SLFN12L: variants seen among roughly 807,000 people sequenced by gnomAD.
SLFN12L encodes schlafen family member 12-like.
Under a neutral mutation model 34.8 loss-of-function variants are expected in SLFN12L, and 34 were observed. That is an observed-to-expected ratio of 0.98 (90% confidence interval 0.74 to 1.30). The LOEUF (loss-of-function observed/expected upper bound fraction) is 1.30, where lower values mean the gene tolerates loss of function less well. Ranked by LOEUF, SLFN12L falls within the 50% of genes most tolerant of loss-of-function variation. SLFN12L has a pLI of 0.00. For missense variants in SLFN12L, 703 were observed against 696.2 expected, an observed-to-expected ratio of 1.01 and a Z score of -0.11; for synonymous variants, 259 against 247.5, an observed-to-expected ratio of 1.05 and a Z score of -0.44.
chr17:35,503,721 C>A (rs995247932), intron 2 of SLFN12L, among the ~76,000 whole-genome samples: 8 of 152,052 alleles, frequency 5.3e-5, no homozygotes, highest in South Asian at 2.1e-4. Context: ...TTTCCTTTCC[C>A]TCAAAACTAA....
intron 1 of SLFN12L, among the ~76,000 whole-genome samples, chr17:35,528,104 C>T (rs1020445883): frequency 7.9e-5 from 12 of 152,072 alleles, no homozygotes; most frequent in South Asian, 2.1e-4. Context: ...TTCACAATTG[C>T]TACAAAGAGA....
chr17:35,491,582 G>A (rs1914839231), intron 2 of SLFN12L, among the ~76,000 whole-genome samples: 1 of 152,198 alleles, frequency 6.6e-6, no homozygotes, highest in African/African-American at 2.4e-5. Flanking sequence ...CTGTGCCTGA[G>A]GGATGGGCTG....
rs917945624 is a variant in SLFN12L, at chr17:35,469,300, A to T, written c.*5623T>A. On this transcript the variant is annotated 3_prime_UTR_variant, in exon 5 of 5. Coordinates refer to ENST00000628453, the MANE Select transcript of SLFN12L (RefSeq NM_001363830.2). ...CCTGTTTTATATAAAATATATATATATAAAATATATATATATTATATATAT... is the reference window on the plus strand; with the variant it reads ...CCTGTTTTATATAAAATATATATATTTAAAATATATATATATTATATATAT... 4.4e-5 allele frequency among the ~76,000 whole-genome samples: 6 copies of T among 137,538 alleles called. No individual in the cohort carries two copies. The highest frequency in any genetic ancestry group is 1.4e-4 in the African/African-American group (5 of 35,546). 90.2% of individuals were successfully genotyped at this position (137,538 alleles called of 152,430 possible).
At position 35,521,224 on chromosome 17, in the gene SLFN12L, T is replaced by C. The variant is rs1008276671; in HGVS notation, c.86+1055A>G. Among the ~76,000 whole-genome samples, 5 of 152,236 alleles carry C rather than the reference T, an allele frequency of 3.3e-5. 1 individual carries two copies. The highest frequency in any genetic ancestry group is 2.1e-4 in the South Asian group (1 of 4,828). ...GGAGACATAACTACTAAATGTCATA[T>C]GGCATCCTGGATGGGATCCTGGAAC... On this transcript the variant is annotated intron_variant, in intron 2 of 4. Transcript: ENST00000628453.
chr17:35,466,814 G>A lies in SLFN12L; in HGVS notation c.*8109C>T, dbSNP rs1016266292. On this transcript the variant is annotated 3_prime_UTR_variant, in exon 5 of 5. Coordinates refer to ENST00000628453, the MANE Select transcript of SLFN12L (RefSeq NM_001363830.2). ...AGTCTAGACCACCTGTGATGGCTAC[G>A]AATTGCCTGAGGGCTCTCAGCCTCA... Among the ~76,000 whole-genome samples the A allele has an allele frequency of 2.6e-5, 4 of 152,178 alleles. No homozygotes were observed. The highest frequency in any genetic ancestry group is 2.1e-4 in the South Asian group (1 of 4,836).
rs541965471 is a variant in SLFN12L at position 35,465,160 on chromosome 17, G to A, written c.*9763C>T. Among the ~76,000 whole-genome samples the A allele has an allele frequency of 4.6e-5, 7 of 152,272 alleles. No individual in the cohort carries two copies. Among genetic ancestry groups the A allele is most frequent in the South Asian group, 2.1e-4 (1 of 4,826 alleles). ...CTCCCAAAGTGCTGGGATTACAGGC[G>A]TGAGCCACCACGCCTGGCCAGAACT... On this transcript the variant is annotated 3_prime_UTR_variant, in exon 5 of 5. Coordinates refer to ENST00000628453, the MANE Select transcript of SLFN12L (RefSeq NM_001363830.2).
intron 2 of SLFN12L, chr17:35,498,210 TCA>T (rs2142147671): frequency 4.5e-5 from 14 of 307,860 alleles, no homozygotes; most frequent in South Asian, 4.4e-4. Context: ...CCTGGGATGT[TCA>T]GTCATGAAAT....
chr17:35,503,003 AAG>A (rs969263781), intron 2 of SLFN12L, among the ~76,000 whole-genome samples: 1 of 152,240 alleles, frequency 6.6e-6, no homozygotes, highest in African/African-American at 2.4e-5. Context: ...TTATAAAAAA[AAG>A]TGTGTTAGAA....
intron 1 of SLFN12L, among the ~76,000 whole-genome samples, chr17:35,533,730 T>G (rs979249502): frequency 1.3e-5 from 2 of 152,112 alleles, no homozygotes; most frequent in African/African-American, 4.8e-5. Context: ...TGCTCAGGTG[T>G]CCAGCTGTGC....
chr17:35,518,578 A>G (rs966504325), intron 2 of SLFN12L, among the ~76,000 whole-genome samples: 1 of 151,054 alleles, frequency 6.6e-6, no homozygotes, highest in Non-Finnish European at 1.5e-5. Flanking sequence ...ACATTTATGC[A>G]CCGAACAAAC....
At chr17:35,531,020 G>A (rs947142337) in intron 1 of SLFN12L, among the ~76,000 whole-genome samples, 1 of 152,036 alleles carries the variant, frequency 6.6e-6, no homozygotes, top group African/African-American at 2.4e-5. Context: ...AGCCCCAAAT[G>A]CCTATATTGG....
intron 2 of SLFN12L, among the ~76,000 whole-genome samples, chr17:35,491,389 T>G (rs1467938063): frequency 1.3e-5 from 2 of 152,244 alleles, no homozygotes; most frequent in African/African-American, 4.8e-5. Context: ...AGCTGACATT[T>G]TCATGAATTT....
intron 2 of SLFN12L, among the ~76,000 whole-genome samples, chr17:35,507,187 C>T (rs1315913460): frequency 6.6e-6 from 1 of 152,148 alleles, no homozygotes; most frequent in Admixed American, 6.5e-5. Flanking sequence ...GACAGGTGAA[C>T]TCCTGGGCTT....
intron 4 of SLFN12L, among the ~76,000 whole-genome samples, chr17:35,477,328 G>C (rs969474294): frequency 3.3e-5 from 5 of 152,098 alleles, no homozygotes; most frequent in African/African-American, 1.2e-4. Context: ...ATTTTTAAAA[G>C]AAAATAAACA....
At chr17:35,476,349 C>T (rs369930271) in intron 4 of SLFN12L, among the ~76,000 whole-genome samples, 33 of 151,974 alleles carry the variant, frequency 2.2e-4, no homozygotes, top group African/African-American at 8.0e-4. Context: ...GCCTGTAATC[C>T]CAGCAGTTTA....
chr17:35,481,948 C>T (rs764615094), intron 2 of SLFN12L, among the ~76,000 whole-genome samples: 8 of 152,198 alleles, frequency 5.3e-5, no homozygotes, highest in Non-Finnish European at 1.2e-4. Context: ...GCAACCTCCA[C>T]CTCCTGAGTT....
chr17:35,480,399 T>A, intron 2 of SLFN12L: 1 of 455,556 alleles, frequency 2.2e-6, no homozygotes, highest in Non-Finnish European at 3.8e-6. Context: ...TTGTTACAAC[T>A]GTTTTATACG....
chr17:35,508,774 G>T (rs1429908614), intron 2 of SLFN12L, among the ~76,000 whole-genome samples: 3 of 150,416 alleles, frequency 2.0e-5, no homozygotes. Context: ...ATAAAACTGA[G>T]GAATATTGCC....
Position 35,476,454 on chromosome 17 carries a change from CAAGGAAGGAAGGAAGGAAGGAAGG to C in SLFN12L, c.1277-993_1277-970del, listed in dbSNP as rs59968985. On this transcript the variant is annotated intron_variant, in intron 4 of 4. Coordinates refer to ENST00000628453, the MANE Select transcript of SLFN12L (RefSeq NM_001363830.2). ...TGTCACAAAAAGAAAGAAAAGAAAG[CAAGGAAGGAAGGAAGGAAGGAAGG>C]AAGGAAGGAAGGAAGGAAGGAAGGA... Among the ~76,000 whole-genome samples the C allele has an allele frequency of 9.3e-3, 978 of 105,612 alleles. 10 individuals carry two copies. The highest frequency in any genetic ancestry group is 0.02 in the African/African-American group (557 of 27,912). 69.3% of individuals were successfully genotyped at this position (105,612 alleles called of 152,430 possible). A position where few individuals can be genotyped will look rare whatever the true frequency, so the allele number is the denominator to read the frequency against.
Sources: allele counts gnomAD v4.1 joint callset (sites outside exome capture counted in the v4.1 genomes callset), GRCh38; gene constraint gnomAD v4.1.1; transcripts MANE v1.5; gene names NCBI Gene and HGNC (gene_info 2026-07-23, HGNC 2026-07-21).